Variants in MYOCD observed in about 807,000 individuals in gnomAD.
MYOCD encodes the protein myocardin.
Under a neutral mutation model 96.1 loss-of-function variants are expected in MYOCD, and 32 were observed. That is an observed-to-expected ratio of 0.33 (90% confidence interval 0.25 to 0.45). The LOEUF (loss-of-function observed/expected upper bound fraction) is 0.45, where lower values mean the gene tolerates loss of function less well. Ranked by LOEUF, MYOCD falls within the 20% of genes least tolerant of loss-of-function variation. The probability of loss-of-function intolerance (pLI) is 1.00; values close to 1 mark genes in which losing one functional copy is unlikely to be tolerated. For missense variants in MYOCD, 1,133 were observed against 1,200.6 expected (o/e 0.94, Z 0.83); for synonymous variants, 469 against 469.0 (o/e 1.00, Z 0.00).
intron 1 of MYOCD, among the ~76,000 whole-genome samples, chr17:12,686,328 T>C (rs936091375): frequency 6.6e-6 from 1 of 152,228 alleles, no homozygotes; most frequent in African/African-American, 2.4e-5. Flanking sequence ...CAAAGTCATA[T>C]GGCTATTTAG....
chr17:12,696,221 G>T (rs1195964514), intron 1 of MYOCD, among the ~76,000 whole-genome samples: 1 of 151,726 alleles, frequency 6.6e-6, no homozygotes, highest in Non-Finnish European at 1.5e-5. Context: ...CTCGTGGTCC[G>T]CCCGCCTCGA....
chr17:12,763,747 A>G lies in MYOCD; in HGVS notation c.*103A>G. 9 of 1,033,648 alleles carry G rather than the reference A, an allele frequency of 8.7e-6. No homozygotes were observed. The highest frequency in any genetic ancestry group is 1.1e-5 in the Non-Finnish European group (8 of 727,008). 64.0% of individuals were successfully genotyped at this position (1,033,648 alleles called of 1,614,324 possible). ...TCCAAAAACAGAAGAAGAAGAAGAG[A>G]ATTAAAAAGAAGCAATGATTTCTGT... On this transcript the variant is annotated 3_prime_UTR_variant, in exon 14 of 14. Coordinates refer to ENST00000425538, the MANE Select transcript of MYOCD (RefSeq NM_001146312.3).
In MYOCD at chr17:12,736,240, T is replaced by C; in HGVS notation, c.495T>C (p.Asp165=). The stretch of plus-strand genomic sequence containing the variant: ...GCAGCAGCGATGGGCTTTCTCCGGA[T>C]CAGACTCGAAGTGAAGACCCCCAAA... ...EDSSSDGLSP[D]QTRSEDPQNS... is the part of the protein sequence containing the mutation. Residue 165 remains aspartate (D), a synonymous_variant, in exon 6 of 14, where the codon GAT becomes GAC. Coordinates refer to ENST00000425538, the MANE Select transcript of MYOCD (RefSeq NM_001146312.3). 6.2e-7 allele frequency: 1 copy of C among 1,614,160 alleles called. No homozygotes were observed. Among genetic ancestry groups the C allele is most frequent in the Non-Finnish European group, 8.5e-7 (1 of 1,180,032 alleles).
At chr17:12,667,459 C>T (rs571477834) in intron 1 of MYOCD, among the ~76,000 whole-genome samples, 1 of 152,304 alleles carries the variant, frequency 6.6e-6, no homozygotes, top group African/African-American at 2.4e-5. Context: ...TCCTTCCTTT[C>T]CTTTCCATGG....
At chr17:12,742,351 G>T (rs535896178) in intron 7 of MYOCD, among the ~76,000 whole-genome samples, 1 of 152,260 alleles carries the variant, frequency 6.6e-6, no homozygotes, top group South Asian at 2.1e-4. Flanking sequence ...CAAGTGAGTT[G>T]TAAGCTCCTT....
chr17:12,672,325 A>G (rs1909752180), intron 1 of MYOCD: 2 of 152,212 alleles, frequency 1.3e-5, no homozygotes, highest in African/African-American at 4.8e-5. Flanking sequence ...CACAAATAGG[A>G]TTAATAACAA....
intron 1 of MYOCD, among the ~76,000 whole-genome samples, chr17:12,700,650 G>C (rs1238600559): frequency 6.6e-6 from 1 of 151,650 alleles, no homozygotes; most frequent in Admixed American, 6.6e-5. Flanking sequence ...TCCTGACCTC[G>C]TGATCCACCC....
chr17:12,669,065 A>G (rs1909531178), intron 1 of MYOCD, among the ~76,000 whole-genome samples: 1 of 152,190 alleles, frequency 6.6e-6, no homozygotes, highest in African/African-American at 2.4e-5. Context: ...TTGTGTGTGA[A>G]GGAGAGGCAG....
At chr17:12,695,564 A>C (rs2030704756) in intron 1 of MYOCD, among the ~76,000 whole-genome samples, 1 of 152,214 alleles carries the variant, frequency 6.6e-6, no homozygotes, top group South Asian at 2.1e-4. Context: ...TTTGTGCTAC[A>C]TTCTAAGAGG....
At position 12,749,781 on chromosome 17, in the gene MYOCD, G is replaced by A. The variant is rs185859714; in HGVS notation, c.1126-2633G>A. ...TGTGCCTACATTTATTAGTTTCTCT[G>A]ATTATTTCCTCAGGCTAGAATAAAA... On this transcript the variant is annotated intron_variant, in intron 9 of 13. Coordinates refer to ENST00000425538, the MANE Select transcript of MYOCD (RefSeq NM_001146312.3). Among the ~76,000 whole-genome samples, 750 of 150,272 alleles carry A rather than the reference G, an allele frequency of 5.0e-3. 8 individuals are homozygous for A. Among genetic ancestry groups the A allele is most frequent in the African/African-American group, 0.016 (654 of 40,920 alleles).
At chr17:12,666,916 A>C (rs780507207) in intron 1 of MYOCD, among the ~76,000 whole-genome samples, 5 of 152,196 alleles carry the variant, frequency 3.3e-5, no homozygotes, top group African/African-American at 4.8e-5. Flanking sequence ...GGGAGCTCTA[A>C]CCGCTTCTCC....
Position 12,752,475 on chromosome 17 carries a change from C to T in MYOCD, c.1187C>T (p.Ala396Val). 6.2e-7 allele frequency: 1 copy of T among 1,614,134 alleles called. No individual in the cohort carries two copies. Among genetic ancestry groups the T allele is most frequent in the Non-Finnish European group, 8.5e-7 (1 of 1,180,016 alleles). ...RGLPVSGTKT[A>V]LMDRLRPFQD... ...TTGCCTGTGTCAGGCACCAAAACGG[C>T]TCTCATGGACCGGCTTCGACCCTTC... The change falls in exon 10 of 14, where the codon GCT becomes GTT. Residue 396 changes from alanine (A) to valine (V), a missense_variant. By Grantham distance (64) the Ala-to-Val change is moderately conservative (BLOSUM62 0). Coordinates refer to ENST00000425538, the MANE Select transcript of MYOCD (RefSeq NM_001146312.3).
intron 1 of MYOCD, among the ~76,000 whole-genome samples, chr17:12,688,033 A>G (rs2030221302): frequency 6.6e-6 from 1 of 152,234 alleles, no homozygotes; most frequent in Admixed American, 6.5e-5. Flanking sequence ...TCATGGGCCC[A>G]TGTTGTATAC....
At chr17:12,670,429 A>G (rs964453602) in intron 1 of MYOCD, among the ~76,000 whole-genome samples, 3 of 152,138 alleles carry the variant, frequency 2.0e-5, no homozygotes, top group African/African-American at 7.2e-5. Context: ...TAAATCCTCA[A>G]CATCTCTGGC....
rs2033231573 is a variant in MYOCD, at chr17:12,763,156, G to A, written c.2473G>A (p.Val825Ile). 1.2e-6 allele frequency: 2 copies of A among 1,614,154 alleles called. No homozygotes were observed. Among genetic ancestry groups the A allele is most frequent in the Non-Finnish European group, 8.5e-7 (1 of 1,180,026 alleles). The part of the protein sequence containing the change: ...IPRSSRSPTA[V>I]LTKPSASFEQ... ...CAGATCTTCCCGAAGTCCAACTGCT[G>A]TCCTCACCAAGCCCTCGGCTTCCTT... The change falls in exon 14 of 14, where the codon GTC becomes ATC. Residue 825 changes from valine (V) to isoleucine (I), a missense_variant. By Grantham distance (29) the Val-to-Ile change is conservative. Coordinates refer to ENST00000425538, the MANE Select transcript of MYOCD (RefSeq NM_001146312.3).
intron 2 of MYOCD, among the ~76,000 whole-genome samples, 173 bp from the exon 3 acceptor site, chr17:12,715,346 C>T (rs925055830): frequency 2.0e-5 from 3 of 152,130 alleles, no homozygotes; most frequent in Non-Finnish European, 4.4e-5. Flanking sequence ...CTGTCTCCTA[C>T]GGCTTCAGGG....
chr17:12,756,015 G>A (rs2033001601), intron 10 of MYOCD, among the ~76,000 whole-genome samples: 1 of 152,220 alleles, frequency 6.6e-6, no homozygotes, highest in African/African-American at 2.4e-5. Flanking sequence ...TCATGAAGGG[G>A]TTGGACTTGA....
intron 5 of MYOCD, among the ~76,000 whole-genome samples, chr17:12,727,835 G>A (rs565019604): frequency 6.6e-5 from 10 of 152,206 alleles, no homozygotes; most frequent in Admixed American, 2.6e-4. Flanking sequence ...TGAAAGCACC[G>A]CGTCTCTTCC....
In MYOCD at chr17:12,666,175, T is replaced by C; in HGVS notation, c.-14T>C. 6.2e-7 allele frequency: 1 copy of C among 1,612,512 alleles called. No individual in the cohort carries two copies. The highest frequency in any genetic ancestry group is 1.3e-5 in the African/African-American group (1 of 75,044). ...GCGCCTGGCCAAGGGACCAGCGGCT[T>C]GCTGAGACTCAACATGACACTCCTG... On this transcript the variant is annotated 5_prime_UTR_variant, in exon 1 of 14. Transcript: ENST00000425538.
Sources: allele counts gnomAD v4.1 joint callset (sites outside exome capture counted in the v4.1 genomes callset), GRCh38; gene constraint gnomAD v4.1.1; transcripts MANE v1.5; gene names NCBI Gene and HGNC (gene_info 2026-07-23, HGNC 2026-07-21).